CDH18: variants seen among roughly 807,000 people sequenced by gnomAD.
The protein encoded by CDH18 is cadherin-18.
In CDH18, 31 loss-of-function variants were observed where a neutral mutation model predicts 67.9. That is an observed-to-expected ratio of 0.46 (90% CI 0.34 to 0.62). The LOEUF is 0.62. CDH18 is among the 20% of genes least tolerant of loss of function. The pLI is 0.01. For missense variants in CDH18, 890 were observed against 975.5 expected (o/e 0.91, Z 1.17); for synonymous variants, 362 against 347.2 (o/e 1.04, Z -0.48).
At chr5:20,170,955 A>G (rs1330933178) in intron 2 of CDH18, among the ~76,000 whole-genome samples, 1 of 151,744 alleles carries the variant, frequency 6.6e-6, no homozygotes, top group Admixed American at 6.6e-5. Context: ...AGATCCTGTG[A>G]TATTTAGTTA....
chr5:20,238,648 T>C (rs1201075601), intron 2 of CDH18, among the ~76,000 whole-genome samples: 1 of 152,130 alleles, frequency 6.6e-6, no homozygotes, highest in Non-Finnish European at 1.5e-5. Flanking sequence ...CAGTTAAACA[T>C]ATATTAAAAA....
chr5:19,874,492 T>C (rs955256107), intron 2 of CDH18, among the ~76,000 whole-genome samples: 20 of 152,230 alleles, frequency 1.3e-4, no homozygotes, highest in Admixed American at 3.3e-4. Flanking sequence ...TTAATCTTTG[T>C]TCAAAGATAA....
chr5:19,743,936 A>G (rs1194680048), intron 4 of CDH18, among the ~76,000 whole-genome samples: 1 of 151,330 alleles, frequency 6.6e-6, no homozygotes, highest in East Asian at 1.9e-4. Flanking sequence ...AAAAAAAAAA[A>G]AAAAAAAAAA....
At chr5:20,371,993 A>G (rs1743041031) in intron 1 of CDH18, among the ~76,000 whole-genome samples, 2 of 152,220 alleles carry the variant, frequency 1.3e-5, no homozygotes, top group Admixed American at 6.5e-5. Flanking sequence ...TGCTCTTTCC[A>G]TGCCTTATCC....
intron 2 of CDH18, among the ~76,000 whole-genome samples, chr5:20,216,368 T>G (rs1233707415): frequency 6.6e-6 from 1 of 151,904 alleles, no homozygotes; most frequent in Non-Finnish European, 1.5e-5. Flanking sequence ...AAGCATTTTA[T>G]AGTAAAAGGA....
At chr5:20,474,603 C>A (rs1476642306) in intron 1 of CDH18, among the ~76,000 whole-genome samples, 1 of 151,850 alleles carries the variant, frequency 6.6e-6, no homozygotes, top group Non-Finnish European at 1.5e-5. Flanking sequence ...GAAAAGTTGA[C>A]CTGCAGAGAA....
intron 1 of CDH18, among the ~76,000 whole-genome samples, chr5:20,568,010 A>G (rs1300188129): frequency 9.2e-5 from 14 of 152,204 alleles, no homozygotes. Flanking sequence ...GAGTGTAAAT[A>G]TGAGTCCTGC....
intron 2 of CDH18, among the ~76,000 whole-genome samples, chr5:20,050,722 G>A (rs948923938): frequency 6.6e-6 from 1 of 151,774 alleles, no homozygotes; most frequent in African/African-American, 2.4e-5. Flanking sequence ...TAGAATATGT[G>A]TAAAATGTCA....
chr5:20,216,070 C>G (rs1377041908), intron 2 of CDH18, among the ~76,000 whole-genome samples: 1 of 151,716 alleles, frequency 6.6e-6, no homozygotes, highest in Admixed American at 6.6e-5. Flanking sequence ...ATAATAAACC[C>G]CCATGACACT....
intron 2 of CDH18, among the ~76,000 whole-genome samples, chr5:20,043,302 C>T (rs1740614184): frequency 6.6e-6 from 1 of 152,140 alleles, no homozygotes; most frequent in Non-Finnish European, 1.5e-5. Flanking sequence ...TTTTCCTTTT[C>T]TCTTTTTCAC....
intron 2 of CDH18, among the ~76,000 whole-genome samples, chr5:20,134,253 G>A (rs1395318759): frequency 1.3e-5 from 2 of 152,126 alleles, no homozygotes; most frequent in African/African-American, 4.8e-5. Flanking sequence ...TGATATTACA[G>A]ATGTGAGTCA....
chr5:19,915,059 T>C (rs1791603073), intron 2 of CDH18, among the ~76,000 whole-genome samples: 1 of 152,096 alleles, frequency 6.6e-6, no homozygotes, highest in Non-Finnish European at 1.5e-5. Flanking sequence ...TTTTAGAAAA[T>C]AAGTGGTATG....
intron 5 of CDH18, among the ~76,000 whole-genome samples, chr5:19,644,577 G>T (rs2150237697): frequency 6.6e-6 from 1 of 152,158 alleles, no homozygotes; most frequent in African/African-American, 2.4e-5. Flanking sequence ...TGACAATGTG[G>T]GTCATAGCTA....
At chr5:19,976,717 T>G (rs1798540554) in intron 2 of CDH18, among the ~76,000 whole-genome samples, 1 of 151,312 alleles carries the variant, frequency 6.6e-6, no homozygotes. Context: ...TGATACAGAG[T>G]TGAAAATAGG....
chr5:19,552,084 A>G (rs1255927513), intron 8 of CDH18, among the ~76,000 whole-genome samples: 10 of 152,156 alleles, frequency 6.6e-5, no homozygotes. Context: ...TAATCATGCC[A>G]AGAAATCGTG....
chr5:19,807,869 G>A (rs1422020839), intron 3 of CDH18, among the ~76,000 whole-genome samples: 1 of 151,980 alleles, frequency 6.6e-6, no homozygotes, highest in Admixed American at 6.6e-5. Context: ...ATTTATTTGT[G>A]TGAATGTCAA....
intron 1 of CDH18, among the ~76,000 whole-genome samples, chr5:20,500,672 C>T (rs1438140369): frequency 6.6e-6 from 1 of 152,112 alleles, no homozygotes; most frequent in African/African-American, 2.4e-5. Flanking sequence ...AATATCTTAG[C>T]ACAGTTAGGA....
chr5:20,492,675 A>G (rs1045492327), intron 1 of CDH18, among the ~76,000 whole-genome samples: 20 of 152,216 alleles, frequency 1.3e-4, no homozygotes, highest in Non-Finnish European at 2.5e-4. Context: ...AGTTTGAGAC[A>G]TATTTAAGAT....
At chr5:20,279,748 G>A (rs1746102484) in intron 1 of CDH18, among the ~76,000 whole-genome samples, 1 of 116,036 alleles carries the variant, frequency 8.6e-6, no homozygotes. Context: ...GTAAGAGCGA[G>A]ATAGGCTTAA....
Sources: gnomAD v4.1 joint callset for allele counts (sites outside exome capture counted in the v4.1 genomes callset) on GRCh38, gnomAD v4.1.1 for gene constraint, MANE v1.5 for transcripts, NCBI Gene and HGNC (gene_info 2026-07-23, HGNC 2026-07-21) for gene names.